The following TENM3 variants were observed in gnomAD, a reference collection of about 807,000 sequenced individuals.
The protein encoded by TENM3 is teneurin transmembrane protein 3.
Under a neutral mutation model 255.1 loss-of-function variants are expected in TENM3, and 63 were observed. The observed-to-expected ratio is 0.25, with a 90% confidence interval of 0.20 to 0.30. The LOEUF is 0.30. TENM3 is among the 10% of genes least tolerant of loss of function. The pLI, the probability that TENM3 is intolerant of heterozygous loss-of-function variation, is 1.00. For synonymous variants in TENM3, 1,306 were observed against 1,322.3 expected, an observed-to-expected ratio of 0.99 and a Z score of 0.27; for missense variants, 2,929 against 3,461.1, an observed-to-expected ratio of 0.85 and a Z score of 3.86.
chr4:181,518,979 G>T, the TENM3 span, among the ~76,000 whole-genome samples: 1 of 152,182 alleles, frequency 6.6e-6, no homozygotes, highest in Non-Finnish European at 1.5e-5. Flanking sequence ...ACAAGGTTTA[G>T]CAGGGAGATT....
chr4:181,565,969 C>T, the TENM3 span, among the ~76,000 whole-genome samples: 1 of 152,070 alleles, frequency 6.6e-6, no homozygotes, highest in Non-Finnish European at 1.5e-5. Flanking sequence ...AAATTAATCA[C>T]ATACACATTG....
intron 3 of TENM3, among the ~76,000 whole-genome samples, chr4:182,508,162 A>G (rs532128850): frequency 3.4e-4 from 52 of 152,338 alleles, no homozygotes; most frequent in Admixed American, 1.3e-3. Flanking sequence ...GACATACCAC[A>G]TGTAATATTG....
chr4:182,389,716 C>T lies in TENM3; in HGVS notation c.511+42787C>T, dbSNP rs1189671504. Among the ~76,000 whole-genome samples, 192 of 103,290 alleles carry T rather than the reference C, an allele frequency of 1.9e-3. 3 individuals are homozygous for T. The highest frequency in any genetic ancestry group is 4.6e-3 in the South Asian group (14 of 3,042). 67.8% of individuals were successfully genotyped at this position (103,290 alleles called of 152,430 possible). A position where few individuals can be genotyped will look rare whatever the true frequency, so the allele number is the denominator to read the frequency against. ...CTTTTTTTTTTTTGAGACGGAGTCT[C>T]GCTCTGTCGCCCAGGCTGGAGTGCA... On this transcript the variant is annotated intron_variant, in intron 3 of 27. Transcript: ENST00000511685.
the TENM3 span, among the ~76,000 whole-genome samples, chr4:181,702,411 CAT>C: frequency 6.6e-6 from 1 of 152,130 alleles, no homozygotes; most frequent in African/African-American, 2.4e-5. Context: ...AAAAAGAAAA[CAT>C]ATTATCAAAC....
At chr4:181,759,746 G>C in the TENM3 span, among the ~76,000 whole-genome samples, 2 of 151,916 alleles carry the variant, frequency 1.3e-5, no homozygotes, top group African/African-American at 4.8e-5. Flanking sequence ...GTGTGTGTGT[G>C]TGTGTGTGTG....
At chr4:182,312,844 T>C (rs1762533948) in intron 1 of TENM3, among the ~76,000 whole-genome samples, 1 of 152,212 alleles carries the variant, frequency 6.6e-6, no homozygotes, top group Non-Finnish European at 1.5e-5. Context: ...CTCAGCTGTA[T>C]TGGATCCTTG....
chr4:181,733,819 C>T, the TENM3 span, among the ~76,000 whole-genome samples: 2 of 152,268 alleles, frequency 1.3e-5, no homozygotes, highest in Admixed American at 1.3e-4. Flanking sequence ...TTGGATTGTA[C>T]TTGAATAATT....
At chr4:182,590,744 A>ACTCGGGG (rs1746547605) in intron 3 of TENM3, among the ~76,000 whole-genome samples, 1 of 143,106 alleles carries the variant, frequency 7.0e-6, no homozygotes, top group Admixed American at 6.9e-5. Flanking sequence ...ATTCCCAACT[A>ACTCGGGG]CTCGGGGGGC....
the TENM3 span, among the ~76,000 whole-genome samples, chr4:181,954,096 C>G: frequency 6.6e-6 from 1 of 152,190 alleles, no homozygotes; most frequent in Admixed American, 6.5e-5. Flanking sequence ...TTGCATGTAT[C>G]AGTAGCTCAT....
At chr4:182,413,327 T>A (rs1770140505) in intron 3 of TENM3, among the ~76,000 whole-genome samples, 1 of 152,096 alleles carries the variant, frequency 6.6e-6, no homozygotes, top group African/African-American at 2.4e-5. Context: ...CATTATCTAT[T>A]ATCTACAGGC....
At chr4:181,570,797 C>T in the TENM3 span, among the ~76,000 whole-genome samples, 1 of 152,146 alleles carries the variant, frequency 6.6e-6, no homozygotes, top group East Asian at 1.9e-4. Flanking sequence ...ACAATTCGAT[C>T]TGCAAGACAT....
chr4:181,648,157 C>T, the TENM3 span, among the ~76,000 whole-genome samples: 7 of 152,174 alleles, frequency 4.6e-5, no homozygotes, highest in East Asian at 9.7e-4. Context: ...GTAGCAGACT[C>T]CCTGCTCCAT....
In TENM3 at chr4:182,793,193, G is replaced by A. The variant is rs751169755; in HGVS notation, c.6521G>A (p.Arg2174His). ...AACAGTGCGCGTCTGACACCCCTTC[G>A]CTATGACCTGCGAGACAGAATCACT... is the stretch of plus-strand genomic sequence containing the variant. Reference protein sequence around the residue: ...PSNSARLTPLRYDLRDRITRL... With the variant: ...PSNSARLTPLHYDLRDRITRL... The change falls in exon 26 of 28, where the codon CGC (arginine) becomes CAC (histidine). Residue 2174 changes from arginine (R) to histidine (H), a missense_variant. By Grantham distance (29) the Arg-to-His change is conservative. Around this residue, in one of 6 missense-constraint regions of TENM3, gnomAD observed 256 missense variants for 389.3 expected, o/e 0.66. Transcript: ENST00000511685. The surrounding 1 kb of genome is among the most constrained non-coding windows in gnomAD (Gnocchi z 5.7). The A allele has an allele frequency of 2.3e-5, 37 of 1,613,816 alleles. No individual in the cohort carries two copies. The highest frequency in any genetic ancestry group is 2.6e-5 in the Non-Finnish European group (31 of 1,179,874).
the TENM3 span, among the ~76,000 whole-genome samples, chr4:181,584,074 C>T: frequency 6.6e-6 from 1 of 152,154 alleles, no homozygotes; most frequent in Non-Finnish European, 1.5e-5. Flanking sequence ...TTCTCCAGCA[C>T]CAAGCATATT....
At chr4:182,740,384 G>T (rs1157329923) in intron 18 of TENM3, among the ~76,000 whole-genome samples, 1 of 152,214 alleles carries the variant, frequency 6.6e-6, no homozygotes, top group Non-Finnish European at 1.5e-5. Flanking sequence ...TATATTAGTA[G>T]CACAAGGTTC....
intron 16 of TENM3, among the ~76,000 whole-genome samples, chr4:182,732,635 G>A (rs577619753): frequency 2.0e-5 from 3 of 152,282 alleles, no homozygotes; most frequent in South Asian, 2.1e-4. Flanking sequence ...AGACCAACCT[G>A]AGCAACATGA....
At chr4:181,464,289 G>A in the TENM3 span, among the ~76,000 whole-genome samples, 30 of 152,298 alleles carry the variant, frequency 2.0e-4, no homozygotes, top group East Asian at 5.4e-3. Flanking sequence ...GGGTTCCAAT[G>A]TCTTCATATC....
chr4:182,409,483 G>A (rs1384436633), intron 3 of TENM3, among the ~76,000 whole-genome samples: 1 of 152,092 alleles, frequency 6.6e-6, no homozygotes, highest in Non-Finnish European at 1.5e-5. Flanking sequence ...TTCCCCTGTC[G>A]GGCCCAGATC....
the TENM3 span, among the ~76,000 whole-genome samples, chr4:181,560,752 C>T: frequency 2.9e-4 from 44 of 152,264 alleles, no homozygotes; most frequent in African/African-American, 1.0e-3. Context: ...GAGTGAAGTT[C>T]CCCCAGCCAG....
Sources: allele counts gnomAD v4.1 joint callset (sites outside exome capture counted in the v4.1 genomes callset), GRCh38; gene constraint gnomAD v4.1.1; regional missense constraint gnomAD v4.1.1; non-coding constraint Gnocchi (gnomAD v3.1); transcripts MANE v1.5; gene names NCBI Gene and HGNC (gene_info 2026-07-23, HGNC 2026-07-21).